SACS: variants seen among roughly 807,000 people sequenced by gnomAD.
The protein encoded by SACS is sacsin.
SACS carries 197 observed loss-of-function variants against 348.0 expected under a neutral mutation model. The observed-to-expected ratio is 0.57, with a 90% CI of 0.50 to 0.64. SACS has a LOEUF of 0.64. SACS is among the 30% of genes least tolerant of loss of function. The pLI, the probability that SACS is intolerant of heterozygous loss-of-function variation, is 0.00. For missense variants in SACS, 4,999 were observed against 5,360.8 expected, an observed-to-expected ratio of 0.93 and a Z score of 2.11; for synonymous variants, 1,985 against 1,910.6, an observed-to-expected ratio of 1.04 and a Z score of -1.02.
chr13:23,340,564 C>T lies in SACS; in HGVS notation c.3312G>A (p.Val1104=). ...AGGCTTCAATTTTTTTTGCCACTTG[C>T]ACAACATCCTTTTCTTTGAGACTGG... The part of the protein sequence containing the change: ...NEASLKEKDV[V]QVAKKIEALQ... The change falls in exon 10 of 10, where the codon GTG becomes GTA. Residue 1104 remains valine, a synonymous_variant. Coordinates refer to ENST00000382292, the MANE Select transcript of SACS (RefSeq NM_014363.6). 6.2e-7 allele frequency: 1 copy of T among 1,613,226 alleles called. No homozygotes were observed. The highest frequency in any genetic ancestry group is 8.5e-7 in the Non-Finnish European group (1 of 1,179,774).
chr13:23,393,281 T>C (rs1371718528), intron 2 of SACS, among the ~76,000 whole-genome samples: 1 of 152,218 alleles, frequency 6.6e-6, no homozygotes, highest in Non-Finnish European at 1.5e-5. Flanking sequence ...TTTGGAGCCA[T>C]GGAGATATGT....
Position 23,333,095 on chromosome 13 carries a change from A to C in SACS, c.10781T>G (p.Ile3594Arg). 1.9e-6 allele frequency: 3 copies of C among 1,613,808 alleles called. No individual in the cohort carries two copies. The highest frequency in any genetic ancestry group is 2.5e-6 in the Non-Finnish European group (3 of 1,179,782). ...EFLRNIGLKY[I>R]LSQQQLLQFA... ...CTGTAACAACTGCTGCTGAGAAAGT[A>C]TGTATTTTAGTCCAATATTTCTTAA... is the stretch of plus-strand genomic sequence containing the variant. The change falls in exon 10 of 10, where the codon ATA becomes AGA. Residue 3594 changes from isoleucine to arginine, a missense_variant. Coordinates refer to ENST00000382292, the MANE Select transcript of SACS (RefSeq NM_014363.6).
rs750923640 is a variant in SACS at position 23,358,348 on chromosome 13, G to A, written c.591C>T (p.Val197=). The change falls in exon 7 of 10, where the codon GTC becomes GTT. Residue 197 remains valine (V), a synonymous_variant. Coordinates refer to ENST00000382292, the MANE Select transcript of SACS (RefSeq NM_014363.6). ...CTAATACTCTACCTGTTATATGATA[G>A]ACAGAATTAAACCCAATTCCAAATC... is the stretch of plus-strand genomic sequence containing the variant. ...VGRFGIGFNS[V]YHITDVPCIF... 311 of 1,613,810 alleles carry A rather than the reference G, an allele frequency of 1.9e-4. 2 individuals carry two copies. The highest frequency in any genetic ancestry group is 3.3e-4 in the Middle Eastern group (2 of 6,084).
In SACS at chr13:23,334,342, A is replaced by G. The variant is rs1029799719; in HGVS notation, c.9534T>C (p.His3178=). The G allele has an allele frequency of 3.7e-6, 6 of 1,612,276 alleles. No homozygotes were observed. The highest frequency in any genetic ancestry group is 5.1e-6 in the Non-Finnish European group (6 of 1,179,042). The change falls in exon 10 of 10, where the codon CAT becomes CAC. Residue 3178 remains histidine, a synonymous_variant. Coordinates refer to ENST00000382292, the MANE Select transcript of SACS (RefSeq NM_014363.6). ...AKRPKFLTTY[H]ELIPSRKDLF... ...AGTCTTTGCGGGATGGAATCAATTC[A>G]TGATATGTTGTTAGAAACTTGGGTC...
At chr13:23,399,019 C>CAAAAAAAAAAAA (rs752943692) in intron 2 of SACS, among the ~76,000 whole-genome samples, 6,513 of 66,728 alleles carry the variant, frequency 0.098, 1,324 homozygotes, top group Non-Finnish European at 0.12. Flanking sequence ...GACTCCATCT[C>CAAAAAAAAAAAA]AAAAAAAAAA....
intron 9 of SACS, among the ~76,000 whole-genome samples, chr13:23,351,086 T>A (rs186587276): frequency 1.3e-5 from 2 of 152,178 alleles, no homozygotes; most frequent in East Asian, 3.9e-4. Flanking sequence ...ATCTGCTCAA[T>A]CCCTCTGCTA....
chr13:23,362,864 G>A lies in SACS; in HGVS notation c.457+2302C>T, dbSNP rs946703063. ...GCCTCTCAAAGTGCTGGGATTACAG[G>A]CAGGAGCCACCATGCCCAGCCTGCA... On this transcript the variant is annotated intron_variant, in intron 6 of 9. Coordinates refer to ENST00000382292, the MANE Select transcript of SACS (RefSeq NM_014363.6). 8.5e-5 allele frequency among the ~76,000 whole-genome samples: 13 copies of A among 152,084 alleles called. 1 individual carries two copies. The highest frequency in any genetic ancestry group is 6.2e-4 in the South Asian group (3 of 4,808).
intron 7 of SACS, among the ~76,000 whole-genome samples, chr13:23,356,475 T>G (rs569853606): frequency 6.6e-6 from 1 of 152,332 alleles, no homozygotes; most frequent in African/African-American, 2.4e-5. Flanking sequence ...GCTCATGAGG[T>G]ACATTCCCTC....
rs777239936 is a variant in SACS, at chr13:23,338,461, T to C, written c.5415A>G (p.Ser1805=). ...MAKSGQSKKP[S]DELSQKTVEC... is the part of the protein sequence containing the mutation. The stretch of plus-strand genomic sequence containing the variant: ...CTACTGTTTTCTGTGACAACTCATC[T>C]GATGGCTTTTTTGATTGGCCAGACT... Residue 1805 remains serine, a synonymous_variant, in exon 10 of 10, where the codon TCA becomes TCG. Transcript: ENST00000382292. The C allele has an allele frequency of 5.0e-6, 8 of 1,614,200 alleles. No individual in the cohort carries two copies. Among genetic ancestry groups the C allele is most frequent in the Non-Finnish European group, 5.9e-6 (7 of 1,180,018 alleles).
rs1262888602 is a variant in SACS, at chr13:23,332,739, G to T, written c.11137C>A (p.Pro3713Thr). ...SCPILPEKATPLSIKEQEGSD... is the reference protein window; with the variant it reads ...SCPILPEKATTLSIKEQEGSD... Reference sequence around the variant, plus strand: ...CCTTCTTGTTCTTTAATGCTTAAGGGTGTAGCTTTCTCTGGAAGAATAGGG... The same window carrying T: ...CCTTCTTGTTCTTTAATGCTTAAGGTTGTAGCTTTCTCTGGAAGAATAGGG... Residue 3713 changes from proline (P) to threonine (T), a missense_variant, in exon 10 of 10, where the codon CCC becomes ACC. By Grantham distance (38) the Pro-to-Thr change is conservative. This residue lies in a region of SACS where 831 missense variants were observed against 941.8 expected (regional missense o/e 0.88). Transcript: ENST00000382292. 3.7e-6 allele frequency: 6 copies of T among 1,613,886 alleles called. No homozygotes were observed. In the Admixed American group the frequency reaches 8.3e-5, roughly 22 times the overall value.
chr13:23,377,453 AC>A (rs1452327008), intron 2 of SACS, among the ~76,000 whole-genome samples: 1 of 152,114 alleles, frequency 6.6e-6, no homozygotes, highest in Non-Finnish European at 1.5e-5. Context: ...CCTACAATGT[AC>A]TCAGTCCACT....
intron 9 of SACS, among the ~76,000 whole-genome samples, chr13:23,353,084 A>G (rs1257611108): frequency 6.6e-6 from 1 of 152,226 alleles, no homozygotes; most frequent in Non-Finnish European, 1.5e-5. Context: ...TAACAGTTTC[A>G]CAAGGAAAAG....
intron 9 of SACS, among the ~76,000 whole-genome samples, chr13:23,345,890 C>A (rs1359774621): frequency 6.6e-6 from 1 of 151,840 alleles, no homozygotes; most frequent in Non-Finnish European, 1.5e-5. Flanking sequence ...CTAGTTGAGT[C>A]AAAAATTTTT....
chr13:23,361,978 G>A (rs956834537), intron 6 of SACS, among the ~76,000 whole-genome samples: 1 of 152,140 alleles, frequency 6.6e-6, no homozygotes, highest in Non-Finnish European at 1.5e-5. Flanking sequence ...CATACACGGT[G>A]TTTACTAGGA....
chr13:23,369,341 G>A (rs1871245601), intron 4 of SACS, among the ~76,000 whole-genome samples: 1 of 152,158 alleles, frequency 6.6e-6, no homozygotes, highest in Non-Finnish European at 1.5e-5. Flanking sequence ...CTTCAGACAA[G>A]TGACAGGGCT....
At chr13:23,411,183 T>A (rs1719103386) in intron 2 of SACS, 37 bp downstream of exon 2, 3 of 1,565,196 alleles carry the variant, frequency 1.9e-6, no homozygotes, top group Non-Finnish European at 2.6e-6. Context: ...AAAATCCCAA[T>A]GCAAATTATT....
In SACS at chr13:23,337,528, G is replaced by A. The variant is rs375619621; in HGVS notation, c.6348C>T (p.Pro2116=). 55 of 1,613,676 alleles carry A rather than the reference G, an allele frequency of 3.4e-5. No individual in the cohort carries two copies. Among genetic ancestry groups the A allele is most frequent in the Middle Eastern group, 1.6e-4 (1 of 6,082 alleles). The change falls in exon 10 of 10, where the codon CCC becomes CCT. Residue 2116 remains proline, a synonymous_variant. Transcript: ENST00000382292. The stretch of plus-strand genomic sequence containing the variant: ...CAAATAACTTTGCAACTCGTCCTTC[G>A]GGGTGGATCAATCTTGATGGCAAAA... ...PLVLPSRLIH[P]EGRVAKLFDI...
At chr13:23,422,383 G>A (rs1311106825) in intron 1 of SACS, among the ~76,000 whole-genome samples, 1 of 152,064 alleles carries the variant, frequency 6.6e-6, no homozygotes, top group Non-Finnish European at 1.5e-5. Context: ...ACAACCTAAG[G>A]AATGACATTT....
At position 23,333,293 on chromosome 13, in the gene SACS, T is replaced by C. The variant is rs868070502; in HGVS notation, c.10583A>G (p.His3528Arg). 5.6e-6 allele frequency: 9 copies of C among 1,605,876 alleles called. No homozygotes were observed. The highest frequency in any genetic ancestry group is 3.3e-4 in the Middle Eastern group (2 of 6,032). ...FEKLESLLIIHDANSRLKQAK... is the reference protein window; with the variant it reads ...FEKLESLLIIRDANSRLKQAK... The stretch of plus-strand genomic sequence containing the variant: ...TTGCTTTAGTCTACTGTTAGCATCA[T>C]GGATTATCAATAAACTTTCCAGTTT... Residue 3528 changes from histidine to arginine, a missense_variant, in exon 10 of 10, where the codon CAT becomes CGT. Physicochemically the swap from His to Arg is conservative, Grantham distance 29. Coordinates refer to ENST00000382292, the MANE Select transcript of SACS (RefSeq NM_014363.6).
Sources: gnomAD v4.1 joint callset for allele counts (sites outside exome capture counted in the v4.1 genomes callset) on GRCh38, gnomAD v4.1.1 for gene constraint, gnomAD v4.1.1 regional missense constraint, MANE v1.5 for transcripts, NCBI Gene and HGNC (gene_info 2026-07-23, HGNC 2026-07-21) for gene names.